CFAP69: variants seen among roughly 807,000 people sequenced by gnomAD.
The protein encoded by CFAP69 is cilia and flagella associated protein 69, also known as cilia- and flagella-associated protein 69.
A neutral mutation model predicts 123.0 loss-of-function variants in CFAP69; 92 were observed. The observed-to-expected ratio is 0.75, with a 90% CI of 0.63 to 0.89. CFAP69 has a LOEUF of 0.89. Ranked by LOEUF, CFAP69 falls within the 40% of genes least tolerant of loss-of-function variation. The pLI is 0.00. For synonymous variants in CFAP69, 380 were observed against 364.3 expected (o/e 1.04, Z -0.49); for missense variants, 1,067 against 1,096.9 (o/e 0.97, Z 0.39).
In CFAP69 at chr7:90,309,385, T is replaced by C; in HGVS notation, c.2655+18T>C. 1 of 1,342,796 alleles carries C rather than the reference T, an allele frequency of 7.4e-7. No homozygotes were observed. The highest frequency in any genetic ancestry group is 1.0e-6 in the Non-Finnish European group (1 of 967,914). The allele number at this position is 1,342,796 out of a possible 1,614,324, so 83.2% of individuals were successfully genotyped here. A position where few individuals can be genotyped will look rare whatever the true frequency, so the allele number is the denominator to read the frequency against. On this transcript the variant is annotated intron_variant, in intron 22 of 22. Coordinates refer to ENST00000389297, the MANE Select transcript of CFAP69 (RefSeq NM_001039706.3). ...ACACAACGGTAAGATTCTTTCTCCATAACATTTTCTTAATAGACATTAAAT... is the reference window on the plus strand; with the variant it reads ...ACACAACGGTAAGATTCTTTCTCCACAACATTTTCTTAATAGACATTAAAT...
intron 15 of CFAP69, among the ~76,000 whole-genome samples, chr7:90,296,563 G>GGT (rs1278397746): frequency 6.6e-6 from 1 of 151,806 alleles, no homozygotes; most frequent in Non-Finnish European, 1.5e-5. Context: ...CCTGACCTCA[G>GGT]GTGATCCACC....
Position 90,310,048 on chromosome 7 carries a change from T to C in CFAP69, c.2656-20T>C. The C allele has an allele frequency of 6.3e-7, 1 of 1,595,338 alleles. No individual in the cohort carries two copies. Among genetic ancestry groups the C allele is most frequent in the Non-Finnish European group, 8.5e-7 (1 of 1,170,110 alleles). ...AATTGTGTAAATGGACTTTTAGATA[T>C]TTACCTTTTGCCTTTTTAGGTGCCC... On this transcript the variant is annotated intron_variant, in intron 22 of 22. Coordinates refer to ENST00000389297, the MANE Select transcript of CFAP69 (RefSeq NM_001039706.3).
At chr7:90,312,667 A>C (rs536303865), downstream of CFAP69, 1 of 152,330 alleles carries the variant, frequency 6.6e-6, no homozygotes, top group African/African-American at 2.4e-5. Flanking sequence ...TCTTTCTCAC[A>C]ATATCACTAA....
the CFAP69 span, chr7:90,318,716 A>G: frequency 5.3e-5 from 8 of 152,136 alleles, no homozygotes; most frequent in Non-Finnish European, 8.8e-5. Flanking sequence ...TTATCTGAAA[A>G]TATTGGAATA....
intron 17 of CFAP69, 160 bp from the exon 18 acceptor site, chr7:90,303,809 A>G: frequency 8.3e-7 from 1 of 1,203,572 alleles, no homozygotes; most frequent in South Asian, 3.8e-5. Context: ...ATAGCTGCTT[A>G]ATTATTATTT....
Position 90,290,181 on chromosome 7 carries a change from C to T in CFAP69, c.1775+1829C>T, listed in dbSNP as rs561334389. Reference sequence around the variant, plus strand: ...TAGAGAAAGAGAGATTGAGATTTATCATAAGGAATTGGCTCACACAATTAT... The same window carrying T: ...TAGAGAAAGAGAGATTGAGATTTATTATAAGGAATTGGCTCACACAATTAT... On this transcript the variant is annotated intron_variant, in intron 15 of 22. Coordinates refer to ENST00000389297, the MANE Select transcript of CFAP69 (RefSeq NM_001039706.3). Among the ~76,000 whole-genome samples the T allele has an allele frequency of 1.3e-3, 203 of 152,208 alleles. 2 individuals carry two copies. The highest frequency in any genetic ancestry group is 4.6e-3 in the African/African-American group (191 of 41,540).
intron 13 of CFAP69, among the ~76,000 whole-genome samples, chr7:90,285,011 G>A (rs1185216894): frequency 6.6e-6 from 1 of 152,172 alleles, no homozygotes; most frequent in Non-Finnish European, 1.5e-5. Flanking sequence ...AGAGAATAAA[G>A]GCAAGGAGTT....
intron 18 of CFAP69, 69 bp from the exon 19 acceptor site, chr7:90,304,674 GA>G: frequency 1.3e-6 from 2 of 1,519,490 alleles, no homozygotes; most frequent in Non-Finnish European, 1.8e-6. Context: ...TAGATAGATA[GA>G]TAGATAGATA....
At chr7:90,319,222 C>A in the CFAP69 span, 2 of 389,746 alleles carry the variant, frequency 5.1e-6, no homozygotes, top group East Asian at 3.7e-5. Flanking sequence ...GAATCAAAAC[C>A]TATCATTTTA....
At chr7:90,279,962 C>A in intron 12 of CFAP69, 69 bp downstream of exon 12, 1 of 1,151,980 alleles carries the variant, frequency 8.7e-7, no homozygotes, top group Non-Finnish European at 1.2e-6. Flanking sequence ...TCAGTATATG[C>A]ATAGAAATAA....
At chr7:90,315,666 C>T (rs554193910), downstream of CFAP69, among the ~76,000 whole-genome samples, 118 of 152,118 alleles carry the variant, frequency 7.8e-4, no homozygotes, top group South Asian at 4.2e-4. Flanking sequence ...GGCTTAGTAC[C>T]GGGGTGACAA....
chr7:90,264,774 A>G (rs1268288576), intron 4 of CFAP69, among the ~76,000 whole-genome samples: 3 of 152,008 alleles, frequency 2.0e-5, no homozygotes, highest in Admixed American at 6.6e-5. Context: ...CTTTTTGGTC[A>G]GTTCATTAGA....
At position 90,277,057 on chromosome 7, in the gene CFAP69, T is replaced by G; in HGVS notation, c.985-16T>G. 1 of 1,520,638 alleles carries G rather than the reference T, an allele frequency of 6.6e-7. No individual in the cohort carries two copies. 94.2% of individuals were successfully genotyped at this position (1,520,638 alleles called of 1,614,324 possible). A position where few individuals can be genotyped will look rare whatever the true frequency, so the allele number is the denominator to read the frequency against. On this transcript the variant is annotated splice_polypyrimidine_tract_variant and intron_variant, in intron 9 of 22. Transcript: ENST00000389297. ...TATTCATTCATCTTTCTGCTTATTTTATGTATTTATATTAGGAATGTGGCT... is the reference window on the plus strand; with the variant it reads ...TATTCATTCATCTTTCTGCTTATTTGATGTATTTATATTAGGAATGTGGCT...
At chr7:90,278,404 T>C (rs1294239194) in intron 11 of CFAP69, among the ~76,000 whole-genome samples, 1 of 152,126 alleles carries the variant, frequency 6.6e-6, no homozygotes, top group Non-Finnish European at 1.5e-5. Flanking sequence ...AAAAGTTGTC[T>C]TTATAATTAT....
chr7:90,289,320 G>A (rs1790767153), intron 15 of CFAP69, among the ~76,000 whole-genome samples: 1 of 152,064 alleles, frequency 6.6e-6, no homozygotes, highest in Admixed American at 6.6e-5. Flanking sequence ...CCAACACACT[G>A]CGTTGTATCT....
chr7:90,313,207 A>G (rs1008946554), downstream of CFAP69, among the ~76,000 whole-genome samples: 3 of 152,206 alleles, frequency 2.0e-5, no homozygotes, highest in Non-Finnish European at 4.4e-5. Context: ...AAGTGCTACA[A>G]TTTGTTAATA....
intron 11 of CFAP69, among the ~76,000 whole-genome samples, chr7:90,277,866 T>A (rs898855869): frequency 1.3e-5 from 2 of 152,128 alleles, no homozygotes; most frequent in Non-Finnish European, 2.9e-5. Context: ...CACTTCTGGC[T>A]TATCACCTAC....
chr7:90,305,505 G>A (rs1793452874), intron 19 of CFAP69, among the ~76,000 whole-genome samples: 1 of 150,448 alleles, frequency 6.6e-6, no homozygotes, highest in Non-Finnish European at 1.5e-5. Context: ...TGATTCTCCT[G>A]CCTCAGCCTC....
the CFAP69 span, among the ~76,000 whole-genome samples, chr7:90,321,574 C>A: frequency 6.6e-6 from 1 of 152,306 alleles, no homozygotes; most frequent in Non-Finnish European, 1.5e-5. Flanking sequence ...AGATCCATCT[C>A]GGCATTAGTC....
Sources: gnomAD v4.1 joint callset for allele counts (sites outside exome capture counted in the v4.1 genomes callset) on GRCh38, gnomAD v4.1.1 for gene constraint, MANE v1.5 for transcripts, NCBI Gene and HGNC (gene_info 2026-07-23, HGNC 2026-07-21) for gene names.